The following MOK variants were observed in gnomAD, a reference collection of about 807,000 sequenced individuals.
MOK encodes the protein MOK protein kinase.
In MOK, 59 loss-of-function variants were observed where a neutral mutation model predicts 54.2. That is an observed-to-expected ratio of 1.09 (90% CI 0.88 to 1.35). MOK has a LOEUF of 1.35. Ranked by LOEUF, MOK falls within the 40% of genes most tolerant of loss-of-function variation. The probability of loss-of-function intolerance (pLI) is 0.00; values close to 1 mark genes in which losing one functional copy is unlikely to be tolerated. For synonymous variants in MOK, 210 were observed against 202.7 expected, an observed-to-expected ratio of 1.04 and a Z score of -0.31; for missense variants, 517 against 526.2, an observed-to-expected ratio of 0.98 and a Z score of 0.17.
At chr14:102,277,453 A>G (rs1298141639) in intron 2 of MOK, 2 of 152,106 alleles carry the variant, frequency 1.3e-5, no homozygotes, top group Non-Finnish European at 2.9e-5. Flanking sequence ...CCCCGTCACT[A>G]CTAAAAATAT....
rs536633392 is a variant in MOK at position 102,229,799 on chromosome 14, G to A, written c.982-142C>T. 4.1e-5 allele frequency: 31 copies of A among 764,958 alleles called. No homozygotes were observed. In the African/African-American group the frequency reaches 4.7e-4, roughly 12 times the overall value. 47.4% of individuals were successfully genotyped at this position (764,958 alleles called of 1,614,324 possible). A position where few individuals can be genotyped will look rare whatever the true frequency, so the allele number is the denominator to read the frequency against. The stretch of plus-strand genomic sequence containing the variant: ...GATGTGACTGGGACACATCCACCAG[G>A]TCCCAGACACCCCAAGGGAGTGGCT... On this transcript the variant is annotated intron_variant, in intron 10 of 11. Transcript: ENST00000361847.
At chr14:102,246,671 T>G (rs2066116518) in intron 7 of MOK, among the ~76,000 whole-genome samples, 1 of 152,006 alleles carries the variant, frequency 6.6e-6, no homozygotes, top group Non-Finnish European at 1.5e-5. Flanking sequence ...ATACAGGCAT[T>G]AACAAAAATC....
At chr14:102,219,691 A>G (rs2063661867), downstream of MOK, among the ~76,000 whole-genome samples, 1 of 152,164 alleles carries the variant, frequency 6.6e-6, no homozygotes, top group Admixed American at 6.5e-5. Flanking sequence ...GTGCTTCCTG[A>G]GTGCTGCAGC....
intron 2 of MOK, among the ~76,000 whole-genome samples, chr14:102,269,707 A>C (rs1264021317): frequency 6.6e-6 from 1 of 152,134 alleles, no homozygotes; most frequent in Non-Finnish European, 1.5e-5. Flanking sequence ...TCCTGATCTC[A>C]AGTGATCCAC....
Position 102,232,934 on chromosome 14 carries a change from C to A in MOK, c.693-226G>T, listed in dbSNP as rs889949169. On this transcript the variant is annotated intron_variant, in intron 8 of 11. Coordinates refer to ENST00000361847, the MANE Select transcript of MOK (RefSeq NM_014226.3). This position sits in a 1 kb window ranked among gnomAD's most constrained non-coding sequence, Gnocchi z 5.1. ...CGGTTCATCGACCATAATAAACACA[C>A]CACTCGAGGCAGGTGCTGACGACAG... 8.8e-5 allele frequency: 32 copies of A among 364,264 alleles called. No homozygotes were observed. Among genetic ancestry groups the A allele is most frequent in the African/African-American group, 5.2e-4 (25 of 47,980 alleles). The allele number at this position is 364,264 out of a possible 1,614,324, so 22.6% of individuals were successfully genotyped here. A position where few individuals can be genotyped will look rare whatever the true frequency, so the allele number is the denominator to read the frequency against.
chr14:102,229,749 GCCT>G, intron 10 of MOK, 92 bp from the exon 11 acceptor site: 1 of 1,149,726 alleles, frequency 8.7e-7, no homozygotes, highest in Non-Finnish European at 1.2e-6. Context: ...TACTGCTTTT[GCCT>G]AATACAATTT....
intron 2 of MOK, among the ~76,000 whole-genome samples, chr14:102,281,088 C>T (rs2069371143): frequency 6.6e-6 from 1 of 152,096 alleles, no homozygotes; most frequent in Admixed American, 6.6e-5. Context: ...CTTTGGGAGG[C>T]CAAGGTGGGC....
Position 102,231,993 on chromosome 14 carries a change from G to A in MOK, c.867-172C>T, listed in dbSNP as rs551477499. ...TTTTCTTTTCTGTCTCAGCCTGACAGTCTCTGGGCCAGGAACAGAGCTGGC... is the reference window on the plus strand; with the variant it reads ...TTTTCTTTTCTGTCTCAGCCTGACAATCTCTGGGCCAGGAACAGAGCTGGC... On this transcript the variant is annotated intron_variant, in intron 9 of 11. Coordinates refer to ENST00000361847, the MANE Select transcript of MOK (RefSeq NM_014226.3). The surrounding 1 kb of genome is among the most constrained non-coding windows in gnomAD (Gnocchi z 4.4). 19 of 545,922 alleles carry A rather than the reference G, an allele frequency of 3.5e-5. No individual in the cohort carries two copies. Among genetic ancestry groups the A allele is most frequent in the Non-Finnish European group, 6.1e-5 (19 of 310,678 alleles). 33.8% of individuals were successfully genotyped at this position (545,922 alleles called of 1,614,324 possible). A position where few individuals can be genotyped will look rare whatever the true frequency, so the allele number is the denominator to read the frequency against.
chr14:102,276,728 T>G (rs1367689978), intron 2 of MOK, among the ~76,000 whole-genome samples: 1 of 149,842 alleles, frequency 6.7e-6, no homozygotes, highest in African/African-American at 2.5e-5. Context: ...GAGGCGGAGG[T>G]TGTGGTGAGC....
intron 1 of MOK, among the ~76,000 whole-genome samples, chr14:102,283,915 C>A (rs2069745165): frequency 6.6e-6 from 1 of 152,138 alleles, no homozygotes; most frequent in Non-Finnish European, 1.5e-5. Context: ...CAGGGGTGGG[C>A]ATGGGCATGA....
intron 2 of MOK, among the ~76,000 whole-genome samples, chr14:102,278,190 GAAAT>G (rs1358545005): frequency 1.1e-4 from 16 of 152,200 alleles, no homozygotes; most frequent in African/African-American, 3.4e-4. Flanking sequence ...AGAACTGTAA[GAAAT>G]AAATGTCTGC....
rs576031133 is a variant in MOK at position 102,235,399 on chromosome 14, C to T, written c.591-1610G>A. 3 of 152,370 alleles carry T rather than the reference C, an allele frequency of 2.0e-5. No homozygotes were observed. The highest frequency in any genetic ancestry group is 4.1e-4 in the South Asian group (2 of 4,832). The allele number at this position is 152,370 out of a possible 1,614,324, so 9.4% of individuals were successfully genotyped here. ...TCTCTATATTATTTTGTCTTCTACC[C>T]TCCTTCCGGAAGAAAAGGAAAGAGT... On this transcript the variant is annotated intron_variant, in intron 7 of 11. Transcript: ENST00000361847. This position sits in a 1 kb window ranked among gnomAD's most constrained non-coding sequence, Gnocchi z 4.4.
chr14:102,263,763 GT>G, intron 3 of MOK, 147 bp from the exon 4 acceptor site: 1 of 465,004 alleles, frequency 2.2e-6, no homozygotes, highest in Non-Finnish European at 3.7e-6. Flanking sequence ...AACAGTAAAG[GT>G]TTTGATTTTA....
chr14:102,295,272 C>T (rs1460978805), intron 1 of MOK, among the ~76,000 whole-genome samples: 2 of 152,074 alleles, frequency 1.3e-5, no homozygotes, highest in South Asian at 4.1e-4. Flanking sequence ...AAAGGGAGAA[C>T]AAGGGAGATA....
At position 102,301,893 on chromosome 14, in the gene MOK, ATTTTG is replaced by A. The variant is rs567886295; in HGVS notation, c.7+3064_7+3068del. Among the ~76,000 whole-genome samples the A allele has an allele frequency of 2.8e-3, 422 of 152,062 alleles. 4 individuals carry two copies. Among genetic ancestry groups the A allele is most frequent in the African/African-American group, 9.5e-3 (396 of 41,480 alleles). ...AATCATAAATGTACATTTTTTGTGT[ATTTTG>A]TTTTGTTTTGATTTTTTTTTTCTTG... On this transcript the variant is annotated intron_variant, in intron 1 of 11. Coordinates refer to ENST00000361847, the MANE Select transcript of MOK (RefSeq NM_014226.3).
the MOK span, among the ~76,000 whole-genome samples, chr14:102,217,967 C>T: frequency 1.6e-4 from 25 of 152,366 alleles, no homozygotes; most frequent in Non-Finnish European, 2.5e-4. Context: ...GGGCTACGTG[C>T]AGGGCCAAGG....
intron 2 of MOK, among the ~76,000 whole-genome samples, chr14:102,271,989 C>T (rs1366098049): frequency 1.3e-5 from 2 of 152,140 alleles, no homozygotes; most frequent in Non-Finnish European, 2.9e-5. Flanking sequence ...AGCCATCCTC[C>T]TACCTCAGCC....
intron 7 of MOK, among the ~76,000 whole-genome samples, chr14:102,243,932 C>T (rs2065902688): frequency 6.6e-6 from 1 of 152,190 alleles, no homozygotes; most frequent in Non-Finnish European, 1.5e-5. Flanking sequence ...TCTCAGCAAG[C>T]CAAACTCATT....
chr14:102,239,276 C>T (rs113956504), intron 7 of MOK, among the ~76,000 whole-genome samples: 3 of 151,382 alleles, frequency 2.0e-5, no homozygotes, highest in Non-Finnish European at 4.4e-5. Flanking sequence ...AGTCCAGAGG[C>T]CCTGGACTTC....
Sources: gnomAD v4.1 joint callset for allele counts (sites outside exome capture counted in the v4.1 genomes callset) on GRCh38, gnomAD v4.1.1 for gene constraint, Gnocchi (gnomAD v3.1) non-coding constraint, MANE v1.5 for transcripts, NCBI Gene and HGNC (gene_info 2026-07-23, HGNC 2026-07-21) for gene names.